TTC19: variants seen among roughly 807,000 people sequenced by gnomAD.
TTC19 encodes tetratricopeptide repeat domain 19.
Under a neutral mutation model 49.5 loss-of-function variants are expected in TTC19, and 38 were observed. The observed-to-expected ratio is 0.77, with a 90% CI of 0.59 to 1.01. The LOEUF (loss-of-function observed/expected upper bound fraction) is 1.01, where lower values mean the gene tolerates loss of function less well. Among genes scored for constraint, TTC19 ranks in the 50% least tolerant of loss-of-function variants. The probability of loss-of-function intolerance (pLI) is 0.00; values close to 1 mark genes in which losing one functional copy is unlikely to be tolerated. For synonymous variants in TTC19, 204 were observed against 185.2 expected, an observed-to-expected ratio of 1.10 and a Z score of -0.83; for missense variants, 475 against 477.7, an observed-to-expected ratio of 0.99 and a Z score of 0.05.
Position 16,028,818 on chromosome 17 carries a change from CAA to C in TTC19, c.*1323_*1324del, listed in dbSNP as rs59177775. On this transcript the variant is annotated 3_prime_UTR_variant, in exon 10 of 10. Coordinates refer to ENST00000261647, the MANE Select transcript of TTC19 (RefSeq NM_017775.4). ...GTATCCCAGTAATCTTTGCATTTCT[CAA>C]AAAAAAAAAAAAAAAAAAAAAAAAA... The C allele has an allele frequency of 0.024, 2,327 of 96,398 alleles. 2 individuals carry two copies. The highest frequency in any genetic ancestry group is 0.029 in the South Asian group (475 of 16,322). The allele number at this position is 96,398 out of a possible 1,614,324, so 6.0% of individuals were successfully genotyped here.
At chr17:16,034,971 T>C (rs767112833) in intron 2 of TTC19, 14 of 1,606,260 alleles carry the variant, frequency 8.7e-6, no homozygotes, top group Non-Finnish European at 1.2e-5. Context: ...AGTTAAAGTA[T>C]TAATATATTA....
At chr17:16,025,225 A>G in intron 8 of TTC19, 54 bp downstream of exon 8, 1 of 1,571,108 alleles carries the variant, frequency 6.4e-7, no homozygotes, top group South Asian at 1.1e-5. Context: ...TCAAAATTGA[A>G]GGGTGTGAAA....
chr17:16,043,242 C>T (rs1412532986), intron 2 of TTC19, among the ~76,000 whole-genome samples: 2 of 152,222 alleles, frequency 1.3e-5, no homozygotes, highest in African/African-American at 4.8e-5. Flanking sequence ...CTTGGGAACA[C>T]TGGATTCAGA....
At chr17:16,012,009 A>C (rs1057459614) in intron 7 of TTC19, among the ~76,000 whole-genome samples, 3 of 151,126 alleles carry the variant, frequency 2.0e-5, no homozygotes, top group African/African-American at 7.4e-5. Flanking sequence ...TTTGATAAAC[A>C]GTGAGGTTTA....
Position 16,028,565 on chromosome 17 carries a change from T to C in TTC19, c.*1043T>C, listed in dbSNP as rs1268998740. On this transcript the variant is annotated 3_prime_UTR_variant, in exon 10 of 10. Transcript: ENST00000261647. The stretch of plus-strand genomic sequence containing the variant: ...AGCTTTATCACACTGTCTCAAAGTA[T>C]GTAAAGATACATAGGTGGATGCTCT... The C allele has an allele frequency of 4.4e-6, 2 of 453,934 alleles. No individual in the cohort carries two copies. The highest frequency in any genetic ancestry group is 4.0e-5 in the African/African-American group (2 of 50,002). 28.1% of individuals were successfully genotyped at this position (453,934 alleles called of 1,614,324 possible). A position where few individuals can be genotyped will look rare whatever the true frequency, so the allele number is the denominator to read the frequency against.
At chr17:16,022,910 TC>T (rs1971429379) in intron 7 of TTC19, among the ~76,000 whole-genome samples, 1 of 152,212 alleles carries the variant, frequency 6.6e-6, no homozygotes, top group African/African-American at 2.4e-5. Flanking sequence ...TTTCAAATGG[TC>T]CTTTAAGGGC....
chr17:16,044,101 G>A (rs1172529180), intron 2 of TTC19, among the ~76,000 whole-genome samples: 5 of 150,962 alleles, frequency 3.3e-5, no homozygotes, highest in South Asian at 2.1e-4. Context: ...CCCGGGAGGC[G>A]GAGGTTGCGG....
chr17:16,032,062 CTAT>C (rs1337623843), downstream of TTC19: 10 of 481,628 alleles, frequency 2.1e-5, no homozygotes, highest in Non-Finnish European at 2.9e-5. Flanking sequence ...CAACCCTCCA[CTAT>C]TATTATAGTC....
At position 16,000,257 on chromosome 17, in the gene TTC19, C is replaced by G. The variant is rs775625339; in HGVS notation, c.312+12C>G. On this transcript the variant is annotated intron_variant, in intron 2 of 9. Transcript: ENST00000261647. ...TGAAGCGAGCCAAGGTGAGGCGGCT[C>G]CGGGCCCTGCGCCCGGCCGAGCGCG... The G allele has an allele frequency of 8.8e-6, 14 of 1,593,600 alleles. No individual in the cohort carries two copies. In the Admixed American group the frequency reaches 2.3e-4, roughly 27 times the overall value.
rs773049237 is a variant in TTC19 at position 16,000,362 on chromosome 17, G to A, written c.312+117G>A. The A allele has an allele frequency of 4.6e-6, 7 of 1,523,598 alleles. 1 individual carries two copies. The highest frequency in any genetic ancestry group is 5.3e-6 in the Non-Finnish European group (6 of 1,138,634). The allele number at this position is 1,523,598 out of a possible 1,614,324, so 94.4% of individuals were successfully genotyped here. On this transcript the variant is annotated intron_variant, in intron 2 of 9. Coordinates refer to ENST00000261647, the MANE Select transcript of TTC19 (RefSeq NM_017775.4). ...CCGAAGAGTGGATGGAGGCTCCGCG[G>A]GTAAAATTGCCGAGAATGAGGTGGG... is the stretch of plus-strand genomic sequence containing the variant.
rs182448124 is a variant in TTC19 at position 16,007,666 on chromosome 17, C to T, written c.676+1098C>T. Among the ~76,000 whole-genome samples, 132 of 152,190 alleles carry T rather than the reference C, an allele frequency of 8.7e-4. 1 individual carries two copies. In the East Asian group the frequency reaches 9.9e-3, roughly 11 times the overall value. On this transcript the variant is annotated intron_variant, in intron 7 of 9. Coordinates refer to ENST00000261647, the MANE Select transcript of TTC19 (RefSeq NM_017775.4). The stretch of plus-strand genomic sequence containing the variant: ...CTGCTAAGTGACTGAGGCCAGCTGC[C>T]GTATACAACTTGGGTACACTGGACA...
chr17:16,034,978 A>C, intron 2 of TTC19: 1 of 1,592,710 alleles, frequency 6.3e-7, no homozygotes. Context: ...GTATTAATAT[A>C]TTAAGTTCTC....
chr17:16,025,877 T>C (rs1387368235), intron 8 of TTC19, among the ~76,000 whole-genome samples: 2 of 152,146 alleles, frequency 1.3e-5, no homozygotes, highest in Non-Finnish European at 2.9e-5. Flanking sequence ...CTATGAATTA[T>C]CTCCATGAAA....
intron 3 of TTC19, chr17:16,002,519 C>T: frequency 2.1e-6 from 1 of 485,448 alleles, no homozygotes; most frequent in South Asian, 2.1e-5. Flanking sequence ...TAAGACCTCT[C>T]AATTCCAGAC....
chr17:16,011,546 T>A (rs1387194638), intron 7 of TTC19, among the ~76,000 whole-genome samples: 5 of 152,232 alleles, frequency 3.3e-5, no homozygotes, highest in Admixed American at 2.0e-4. Flanking sequence ...AATGCCTGTG[T>A]TCAGTTCAGA....
chr17:16,005,022 T>G (rs1970858729), intron 6 of TTC19, among the ~76,000 whole-genome samples: 1 of 152,226 alleles, frequency 6.6e-6, no homozygotes, highest in Non-Finnish European at 1.5e-5. Flanking sequence ...TTCTTGGAGT[T>G]GTAACAAACA....
chr17:16,033,733 A>G (rs1316551658), downstream of TTC19, among the ~76,000 whole-genome samples: 1 of 152,234 alleles, frequency 6.6e-6, no homozygotes, highest in African/African-American at 2.4e-5. Context: ...CACAAAATAG[A>G]AAATAATAAG....
In TTC19 at chr17:16,005,533, T is replaced by C. The variant is rs560325254; in HGVS notation, c.582-941T>C. Among the ~76,000 whole-genome samples the C allele has an allele frequency of 2.9e-4, 44 of 152,282 alleles. 1 individual carries two copies. The South Asian group carries it at 8.7e-3, about 30-fold the overall frequency. ...AAAGAACCAAAGCTGAGCTCCTAAA[T>C]GGAGAAGGGATTTCTGTCACATTTC... On this transcript the variant is annotated intron_variant, in intron 6 of 9. Coordinates refer to ENST00000261647, the MANE Select transcript of TTC19 (RefSeq NM_017775.4).
chr17:16,040,479 C>A (rs2057354784), intron 2 of TTC19: 1 of 1,613,408 alleles, frequency 6.2e-7, no homozygotes, highest in Admixed American at 1.7e-5. Context: ...GATCTCAGTT[C>A]CTGGCTGAGC....
Sources: gnomAD v4.1 joint callset for allele counts (sites outside exome capture counted in the v4.1 genomes callset) on GRCh38, gnomAD v4.1.1 for gene constraint, MANE v1.5 for transcripts, NCBI Gene and HGNC (gene_info 2026-07-23, HGNC 2026-07-21) for gene names.